Variants in DNMBP observed in about 807,000 individuals in gnomAD.
DNMBP encodes dynamin-binding protein.
DNMBP carries 87 observed loss-of-function variants against 150.0 expected under a neutral mutation model. The observed-to-expected ratio is 0.58, with a 90% confidence interval of 0.49 to 0.69. DNMBP has a LOEUF of 0.69. Among genes scored for constraint, DNMBP ranks in the 30% least tolerant of loss-of-function variants. The pLI is 0.00. For synonymous variants in DNMBP, 711 were observed against 750.4 expected (o/e 0.95, Z 0.86); for missense variants, 1,774 against 1,949.0 (o/e 0.91, Z 1.69).
At chr10:99,995,836 G>A (rs368529241) in intron 1 of DNMBP, among the ~76,000 whole-genome samples, 24 of 152,230 alleles carry the variant, frequency 1.6e-4, no homozygotes, top group Non-Finnish European at 3.1e-4. Context: ...TAATAAACAC[G>A]TCTGTCTTCA....
chr10:99,970,427 G>A (rs57366588), intron 2 of DNMBP, among the ~76,000 whole-genome samples: 2,182 of 152,300 alleles, frequency 0.014, 43 homozygotes, highest in African/African-American at 0.049. Context: ...AACCAGGTGC[G>A]TGGAATGTGG....
At chr10:99,992,657 G>A (rs1369450712) in intron 1 of DNMBP, among the ~76,000 whole-genome samples, 2 of 151,328 alleles carry the variant, frequency 1.3e-5, no homozygotes, top group Non-Finnish European at 3.0e-5. Context: ...CTCCCGAGTA[G>A]CTGGGACTAT....
At chr10:99,898,010 G>A (rs746640162) in intron 9 of DNMBP, 76 bp downstream of exon 9, 29 of 1,312,290 alleles carry the variant, frequency 2.2e-5, no homozygotes, top group Admixed American at 1.0e-4. Flanking sequence ...CAACTCTAGC[G>A]AAGTAATGAA....
intron 2 of DNMBP, among the ~76,000 whole-genome samples, 161 bp downstream of exon 2, chr10:99,971,819 T>C (rs1367621500): frequency 6.6e-6 from 1 of 151,876 alleles, no homozygotes; most frequent in African/African-American, 2.4e-5. Context: ...TGAGCCACTG[T>C]GCCCAGCTAG....
intron 1 of DNMBP, among the ~76,000 whole-genome samples, chr10:99,995,100 TG>T (rs1589453556): frequency 6.6e-6 from 1 of 151,208 alleles, no homozygotes; most frequent in East Asian, 1.9e-4. Context: ...TTGCCCAGAC[TG>T]GAGTGCGGTG....
chr10:99,996,217 T>C (rs1391252546), intron 1 of DNMBP, among the ~76,000 whole-genome samples: 2 of 152,210 alleles, frequency 1.3e-5, no homozygotes, highest in African/African-American at 4.8e-5. Flanking sequence ...CGTTTGAACA[T>C]GTTGGTAAAA....
chr10:99,990,702 C>T (rs1589451655), intron 1 of DNMBP, among the ~76,000 whole-genome samples: 1 of 149,706 alleles, frequency 6.7e-6, no homozygotes, highest in Non-Finnish European at 1.5e-5. Context: ...TATACACACA[C>T]ATATATACAC....
At chr10:99,895,100 T>A in intron 10 of DNMBP, 50 bp from the exon 11 acceptor site, 119 of 943,618 alleles carry the variant, frequency 1.3e-4, no homozygotes, top group Non-Finnish European at 1.8e-4. Context: ...ACTCCTTTAA[T>A]CTTACTGGCA....
intron 11 of DNMBP, among the ~76,000 whole-genome samples, chr10:99,894,228 C>G (rs1300616806): frequency 6.6e-6 from 1 of 152,114 alleles, no homozygotes; most frequent in Non-Finnish European, 1.5e-5. Context: ...TATGATGGCA[C>G]TATTGCACTC....
At chr10:99,893,118 T>C (rs2039598223) in intron 11 of DNMBP, among the ~76,000 whole-genome samples, 1 of 152,232 alleles carries the variant, frequency 6.6e-6, no homozygotes, top group Admixed American at 6.5e-5. Flanking sequence ...ATTTTTTACC[T>C]CTCTTGCAGG....
intron 4 of DNMBP, 95 bp downstream of exon 4, chr10:99,955,119 G>A (rs570405145): frequency 1.7e-5 from 17 of 1,012,978 alleles, no homozygotes; most frequent in Admixed American, 1.4e-4. Context: ...TTTGTCCATC[G>A]AGGATGGTAA....
chr10:99,880,225 G>T lies in DNMBP; in HGVS notation c.4134C>A (p.Asn1378Lys). Residue 1378 changes from asparagine (N) to lysine (K), a missense_variant, in exon 16 of 17, where the codon AAC becomes AAA. Asn to Lys is a moderately conservative substitution (Grantham distance 94). Transcript: ENST00000324109. ...GGTTGAAGGTCAGGGTGCTGCCGCT[G>T]TTCTGGCGTGGGAACCTGGGGGAGG... ...GSSSPRFPRQ[N>K]SGSTLTFNPS... The T allele has an allele frequency of 4.3e-6, 7 of 1,614,164 alleles. No homozygotes were observed. The highest frequency in any genetic ancestry group is 5.9e-6 in the Non-Finnish European group (7 of 1,180,014).
chr10:99,957,801 G>A (rs1353455460), intron 3 of DNMBP: 13 of 152,838 alleles, frequency 8.5e-5, no homozygotes, highest in African/African-American at 2.4e-4. Flanking sequence ...TCACCACTAC[G>A]CTCCAGTCTG....
chr10:99,979,224 TG>T (rs1446647379), intron 1 of DNMBP, among the ~76,000 whole-genome samples: 3 of 152,162 alleles, frequency 2.0e-5, no homozygotes, highest in African/African-American at 7.2e-5. Context: ...ATCCTGTTGG[TG>T]GCGGACAGTA....
Position 99,883,993 on chromosome 10 carries a change from G to A in DNMBP, c.3997+18C>T, listed in dbSNP as rs2039412038. 2 of 1,611,246 alleles carry A rather than the reference G, an allele frequency of 1.2e-6. No homozygotes were observed. Among genetic ancestry groups the A allele is most frequent in the African/African-American group, 1.3e-5 (1 of 74,456 alleles). On this transcript the variant is annotated intron_variant, in intron 15 of 16. Transcript: ENST00000324109. The stretch of plus-strand genomic sequence containing the variant: ...TTTTTTTTTCCAGTTACAGTCCTCT[G>A]CTGCTTAAAATTCTTACCTCCATTG...
At chr10:99,994,415 C>T (rs972928417) in intron 1 of DNMBP, among the ~76,000 whole-genome samples, 1 of 152,094 alleles carries the variant, frequency 6.6e-6, no homozygotes, top group Non-Finnish European at 1.5e-5. Context: ...ACGATTATGA[C>T]CATCATCACC....
At chr10:99,915,094 CAAA>C (rs1290992306) in intron 4 of DNMBP, among the ~76,000 whole-genome samples, 9 of 81,558 alleles carry the variant, frequency 1.1e-4, no homozygotes, top group South Asian at 4.2e-4. Flanking sequence ...AACTCTGTCT[CAAA>C]AAAAAAAAAA....
intron 6 of DNMBP, among the ~76,000 whole-genome samples, 195 bp downstream of exon 6, chr10:99,907,800 T>C (rs1417169961): frequency 1.3e-5 from 2 of 152,206 alleles, no homozygotes; most frequent in African/African-American, 2.4e-5. Flanking sequence ...CAAAACTACT[T>C]CTATTGCTAA....
chr10:99,984,829 G>A (rs753407904), intron 1 of DNMBP, among the ~76,000 whole-genome samples: 2 of 152,164 alleles, frequency 1.3e-5, no homozygotes, highest in African/African-American at 4.8e-5. Context: ...CCAGGCTAAA[G>A]TGATTCTCCC....
Sources: allele counts gnomAD v4.1 joint callset (sites outside exome capture counted in the v4.1 genomes callset), GRCh38; gene constraint gnomAD v4.1.1; transcripts MANE v1.5; gene names NCBI Gene and HGNC (gene_info 2026-07-23, HGNC 2026-07-21).